The following PRKN variants were observed in gnomAD, a reference collection of about 807,000 sequenced individuals.
PRKN encodes the protein parkin RBR E3 ubiquitin protein ligase, also known as E3 ubiquitin-protein ligase parkin.
Under a neutral mutation model 59.5 loss-of-function variants are expected in PRKN, and 56 were observed. The ratio of observed to expected loss-of-function variants is 0.94; its 90% CI spans 0.76 to 1.18. The LOEUF (loss-of-function observed/expected upper bound fraction) is 1.18. Among genes scored for constraint, PRKN ranks in the 50% most tolerant of loss-of-function variants. PRKN has a pLI of 0.00. For synonymous variants in PRKN, 250 were observed against 222.1 expected (o/e 1.13, Z -1.12); for missense variants, 657 against 596.4 (o/e 1.10, Z -1.06).
In PRKN at chr6:161,352,234, C is replaced by G. The variant is rs1022817639; in HGVS notation, c.1286-2023G>C. Among the ~76,000 whole-genome samples, 5 of 152,126 alleles carry G rather than the reference C, an allele frequency of 3.3e-5. No homozygotes were observed. The highest frequency in any genetic ancestry group is 9.7e-5 in the African/African-American group (4 of 41,430). On this transcript the variant is annotated intron_variant, in intron 11 of 11. Coordinates refer to ENST00000366898, the MANE Select transcript of PRKN (RefSeq NM_004562.3). The surrounding 1 kb of genome is among the most constrained non-coding windows in gnomAD (Gnocchi z 5.8). ...CTGTCTCACTTTTATTATTAGAAAC[C>G]TGGCATGAGAACTTTCACTAATTTA...
At chr6:161,640,969 G>A (rs548127724) in intron 7 of PRKN, among the ~76,000 whole-genome samples, 385 of 152,326 alleles carry the variant, frequency 2.5e-3, no homozygotes, top group Non-Finnish European at 3.9e-3. Context: ...CTCCCTGCAG[G>A]AATGAAGCCA....
At chr6:161,652,719 A>T (rs974372654) in intron 7 of PRKN, among the ~76,000 whole-genome samples, 3 of 152,226 alleles carry the variant, frequency 2.0e-5, no homozygotes, top group African/African-American at 7.2e-5. Context: ...AGATAATGTG[A>T]TACTCTCTAG....
intron 3 of PRKN, among the ~76,000 whole-genome samples, chr6:162,249,855 A>AT (rs1210529104): frequency 6.6e-6 from 1 of 151,894 alleles, no homozygotes; most frequent in East Asian, 1.9e-4. Flanking sequence ...ACAAAACGAA[A>AT]CCTTTGTGGG....
rs1322080936 is a variant in PRKN, at chr6:161,547,853, G to C, written c.1083+1001C>G. Among the ~76,000 whole-genome samples, 1 of 152,070 alleles carries C rather than the reference G, an allele frequency of 6.6e-6. No homozygotes were observed. The highest frequency in any genetic ancestry group is 1.5e-5 in the Non-Finnish European group (1 of 68,030). On this transcript the variant is annotated intron_variant, in intron 9 of 11. Transcript: ENST00000366898. The surrounding 1 kb of genome is among the most constrained non-coding windows in gnomAD (Gnocchi z 4.0). ...TATTTCTTTCCACTTAGGCACCATG[G>C]TATCTCATTATTTTTCAACTTCCAC...
chr6:162,659,954 T>G (rs919938796), intron 1 of PRKN, among the ~76,000 whole-genome samples: 11 of 152,108 alleles, frequency 7.2e-5, no homozygotes. Flanking sequence ...TTATGAAACA[T>G]CAAGAACAAT....
chr6:161,985,992 T>C (rs1349710626), intron 5 of PRKN, among the ~76,000 whole-genome samples: 1 of 152,228 alleles, frequency 6.6e-6, no homozygotes, highest in African/African-American at 2.4e-5. Flanking sequence ...ATCCTGTCCC[T>C]GTTTTAGCTA....
Position 161,386,289 on chromosome 6 carries a change from C to T in PRKN, c.1167+505G>A, listed in dbSNP as rs1237348007. On this transcript the variant is annotated intron_variant, in intron 10 of 11. Transcript: ENST00000366898. This position sits in a 1 kb window ranked among gnomAD's most constrained non-coding sequence, Gnocchi z 4.3. ...AGATAGCACCTTAGAGAGTGAGGCTCGGCCAACACATTCTTTACTTAATGA... is the reference window on the plus strand; with the variant it reads ...AGATAGCACCTTAGAGAGTGAGGCTTGGCCAACACATTCTTTACTTAATGA... Among the ~76,000 whole-genome samples the T allele has an allele frequency of 6.6e-6, 1 of 152,156 alleles. No individual in the cohort carries two copies. The highest frequency in any genetic ancestry group is 2.4e-5 in the African/African-American group (1 of 41,438).
chr6:162,690,600 G>A (rs1033524902), intron 1 of PRKN, among the ~76,000 whole-genome samples: 1 of 152,174 alleles, frequency 6.6e-6, no homozygotes, highest in Non-Finnish European at 1.5e-5. Flanking sequence ...CAAAAGGCTT[G>A]GAGACAATGA....
intron 2 of PRKN, among the ~76,000 whole-genome samples, chr6:162,263,643 A>T (rs751961854): frequency 6.6e-5 from 10 of 152,218 alleles, no homozygotes; most frequent in Non-Finnish European, 1.5e-5. Flanking sequence ...CCTAAATGGA[A>T]TTCTAGTTTC....
chr6:162,368,339 G>A (rs1785564228), intron 2 of PRKN, among the ~76,000 whole-genome samples: 1 of 152,156 alleles, frequency 6.6e-6, no homozygotes, highest in South Asian at 2.1e-4. Flanking sequence ...GAATCTACCT[G>A]AGAAGCCAGA....
intron 1 of PRKN, among the ~76,000 whole-genome samples, chr6:162,584,548 A>G (rs1780930682): frequency 6.6e-6 from 1 of 152,086 alleles, no homozygotes; most frequent in Admixed American, 6.6e-5. Flanking sequence ...TCCTAGATCC[A>G]GGAGTCAGAA....
intron 6 of PRKN, among the ~76,000 whole-genome samples, chr6:161,813,124 C>CTCCTT (rs1791627530): frequency 6.6e-6 from 1 of 152,154 alleles, no homozygotes; most frequent in African/African-American, 2.4e-5. Flanking sequence ...GCAGGAAGAC[C>CTCCTT]AGATGCTTAA....
chr6:162,330,661 G>A (rs1249777533), intron 2 of PRKN, among the ~76,000 whole-genome samples: 3 of 152,184 alleles, frequency 2.0e-5, no homozygotes, highest in Non-Finnish European at 4.4e-5. Context: ...GCTTTCACAT[G>A]CCACTAGAGA....
In PRKN at chr6:161,891,973, G is replaced by T. The variant is rs750048230; in HGVS notation, c.734+81329C>A. ...TGTGAAGTTTTCTTGGAAGTGGATG[G>T]TTTACGAAATTCCCAATACATTTCC... On this transcript the variant is annotated intron_variant, in intron 6 of 11. Coordinates refer to ENST00000366898, the MANE Select transcript of PRKN (RefSeq NM_004562.3). Among the ~76,000 whole-genome samples, 202 of 107,418 alleles carry T rather than the reference G, an allele frequency of 1.9e-3. 1 individual carries two copies. The highest frequency in any genetic ancestry group is 2.7e-3 in the Non-Finnish European group (160 of 58,388). The allele number at this position is 107,418 out of a possible 152,430, so 70.5% of individuals were successfully genotyped here.
intron 2 of PRKN, among the ~76,000 whole-genome samples, chr6:162,318,109 C>T (rs942992201): frequency 7.4e-4 from 113 of 152,074 alleles, no homozygotes; most frequent in East Asian, 2.0e-4. Flanking sequence ...AACTGCTATT[C>T]TATTTTCTGT....
chr6:162,298,400 C>A (rs1294451573), intron 2 of PRKN, among the ~76,000 whole-genome samples: 1 of 152,088 alleles, frequency 6.6e-6, no homozygotes, highest in African/African-American at 2.4e-5. Flanking sequence ...ATGAATAGTT[C>A]AGGTGTCTTG....
intron 1 of PRKN, among the ~76,000 whole-genome samples, chr6:162,611,888 T>C (rs1168991813): frequency 1.3e-5 from 2 of 151,976 alleles, no homozygotes; most frequent in Admixed American, 6.6e-5. Flanking sequence ...AAGGAGTGTA[T>C]ATAAAGAAAT....
intron 7 of PRKN, among the ~76,000 whole-genome samples, chr6:161,746,887 T>TA (rs1300971836): frequency 6.6e-6 from 1 of 150,856 alleles, no homozygotes; most frequent in Non-Finnish European, 1.5e-5. Context: ...TATATCTATA[T>TA]ATCTATGTAT....
At chr6:161,936,336 GC>G (rs1443021696) in intron 6 of PRKN, among the ~76,000 whole-genome samples, 9 of 151,432 alleles carry the variant, frequency 5.9e-5, no homozygotes, top group Admixed American at 5.3e-4. Flanking sequence ...AGTCTCCCAA[GC>G]AGCTGGGGAC....
Sources: allele counts gnomAD v4.1 joint callset (sites outside exome capture counted in the v4.1 genomes callset), GRCh38; gene constraint gnomAD v4.1.1; non-coding constraint Gnocchi (gnomAD v3.1); transcripts MANE v1.5; gene names NCBI Gene and HGNC (gene_info 2026-07-23, HGNC 2026-07-21).